Variants in INTS6 observed in about 807,000 individuals in gnomAD.
The protein encoded by INTS6 is DEAD box protein.
In INTS6, 16 loss-of-function variants were observed where a neutral mutation model predicts 104.9. The ratio of observed to expected loss-of-function variants is 0.15; its 90% CI spans 0.10 to 0.23. INTS6 has a LOEUF of 0.23. INTS6 is among the 10% of genes least tolerant of loss of function. The pLI, the probability that INTS6 is intolerant of heterozygous loss-of-function variation, is 1.00. For missense variants in INTS6, 584 were observed against 1,062.8 expected, an observed-to-expected ratio of 0.55 and a Z score of 6.26; for synonymous variants, 324 against 358.7, an observed-to-expected ratio of 0.90 and a Z score of 1.09.
the INTS6 span, among the ~76,000 whole-genome samples, chr13:51,339,066 G>A: frequency 0.023 from 3,509 of 152,224 alleles, 59 homozygotes; most frequent in South Asian, 0.056. Flanking sequence ...TGACAACATG[G>A]TCTCTTTCTC....
At chr13:51,451,336 G>A in intron 2 of INTS6, 162 bp from the exon 3 acceptor site, 1 of 453,492 alleles carries the variant, frequency 2.2e-6, no homozygotes, top group Non-Finnish European at 3.7e-6. Context: ...TCTTCCAAAG[G>A]TGGCCCAGGA....
intron 17 of INTS6, among the ~76,000 whole-genome samples, chr13:51,367,505 G>C (rs986967681): frequency 1.3e-5 from 2 of 151,854 alleles, no homozygotes; most frequent in Non-Finnish European, 2.9e-5. Flanking sequence ...AAAAATTAAA[G>C]GTTATAAAAT....
At chr13:51,411,214 A>AAAAT (rs71085083) in intron 4 of INTS6, among the ~76,000 whole-genome samples, 31,631 of 142,562 alleles carry the variant, frequency 0.22, 4,176 homozygotes, top group Middle Eastern at 0.33. Flanking sequence ...CTTTGTCTCA[A>AAAAT]AAATAAATAA....
intron 3 of INTS6, among the ~76,000 whole-genome samples, chr13:51,433,736 ACTTTTTC>A: frequency 6.6e-6 from 1 of 152,388 alleles, no homozygotes; most frequent in East Asian, 1.9e-4. Flanking sequence ...AACCAAAGTT[ACTTTTTC>A]TTAGACAACA....
intron 15 of INTS6, among the ~76,000 whole-genome samples, chr13:51,372,481 G>A (rs1050647991): frequency 6.6e-6 from 1 of 151,880 alleles, no homozygotes. Context: ...TGTTCTGAGC[G>A]TTTTTTCTTC....
rs147076739 is a variant in INTS6 at position 51,414,168 on chromosome 13, C to T, written c.429+16126G>A. On this transcript the variant is annotated intron_variant, in intron 4 of 17. Transcript: ENST00000311234. ...GTATGATGTGCTGTGAAACCAGCAT[C>T]AACCATTCAGATAAAAGCAAAGATA... 7.6e-3 allele frequency among the ~76,000 whole-genome samples: 1,153 copies of T among 152,296 alleles called. 4 individuals carry two copies. The highest frequency in any genetic ancestry group is 0.011 in the Non-Finnish European group (777 of 68,016).
At chr13:51,423,127 G>A (rs1010327676) in intron 4 of INTS6, 13 of 1,077,914 alleles carry the variant, frequency 1.2e-5, no homozygotes, top group Non-Finnish European at 1.5e-5. Context: ...TAAACGTATG[G>A]AGCTGCCGCT....
At chr13:51,374,911 T>C in intron 13 of INTS6, 115 bp from the exon 14 acceptor site, 1 of 1,042,020 alleles carries the variant, frequency 9.6e-7, no homozygotes, top group Non-Finnish European at 1.4e-6. Context: ...TTTACCAACA[T>C]ATTCTAAATT....
the INTS6 span, chr13:51,344,461 G>A: frequency 1.6e-5 from 26 of 1,596,062 alleles, no homozygotes; most frequent in African/African-American, 1.3e-4. Context: ...CCAGACTAGC[G>A]AAGGGGCCTC....
intron 4 of INTS6, among the ~76,000 whole-genome samples, chr13:51,396,988 T>A (rs900541970): frequency 6.6e-6 from 1 of 152,216 alleles, no homozygotes; most frequent in African/African-American, 2.4e-5. Context: ...CACTTACAAA[T>A]TTTTTAAAAA....
At chr13:51,371,593 T>C (rs1476540521) in intron 15 of INTS6, among the ~76,000 whole-genome samples, 1 of 152,116 alleles carries the variant, frequency 6.6e-6, no homozygotes, top group Non-Finnish European at 1.5e-5. Context: ...TTTGGAATCA[T>C]GAGCGCTGCT....
the INTS6 span, chr13:51,348,464 C>G: frequency 6.6e-7 from 1 of 1,504,232 alleles, no homozygotes; most frequent in Non-Finnish European, 9.1e-7. Context: ...GTCAGAAGAG[C>G]GTGGATTTGC....
At position 51,374,335 on chromosome 13, in the gene INTS6, A is replaced by G; in HGVS notation, c.1977T>C (p.Cys659=). 1 of 1,614,122 alleles carries G rather than the reference A, an allele frequency of 6.2e-7. No homozygotes were observed. The highest frequency in any genetic ancestry group is 8.5e-7 in the Non-Finnish European group (1 of 1,179,968). Residue 659 remains cysteine, a synonymous_variant, in exon 15 of 18, where the codon TGT becomes TGC. Transcript: ENST00000311234. ...GTCTGCCTCTTAGTAGTGGAGACAT[A>G]CACCGACGTCTTTTAGGGATCCCTT... ...NMQGIPKRRR[C]MSPLLRGRQQ...
intron 3 of INTS6, chr13:51,439,782 G>A (rs1016664974): frequency 6.6e-6 from 1 of 152,160 alleles, no homozygotes; most frequent in East Asian, 1.9e-4. Context: ...TTCTCATGAT[G>A]GATGTACAGT....
At chr13:51,431,097 T>C (rs1957082622) in intron 3 of INTS6, among the ~76,000 whole-genome samples, 1 of 152,200 alleles carries the variant, frequency 6.6e-6, no homozygotes, top group Non-Finnish European at 1.5e-5. Flanking sequence ...TTCAAATCTC[T>C]GGCCAACCCA....
rs1278327166 is a variant in INTS6 at position 51,365,722 on chromosome 13, G to A, written c.*30C>T. 1 of 1,219,830 alleles carries A rather than the reference G, an allele frequency of 8.2e-7. No homozygotes were observed. The highest frequency in any genetic ancestry group is 1.4e-5 in the South Asian group (1 of 73,558). 75.6% of individuals were successfully genotyped at this position (1,219,830 alleles called of 1,614,324 possible). The stretch of plus-strand genomic sequence containing the variant: ...ATTTACTTTGTATTTGAAGAAGATA[G>A]TGAAATAAGTGGCCACATTCTATTT... On this transcript the variant is annotated 3_prime_UTR_variant, in exon 18 of 18. Coordinates refer to ENST00000311234, the MANE Select transcript of INTS6 (RefSeq NM_012141.3).
At chr13:51,360,241 C>T (rs1267652284), downstream of INTS6, among the ~76,000 whole-genome samples, 1 of 151,998 alleles carries the variant, frequency 6.6e-6, no homozygotes, top group Non-Finnish European at 1.5e-5. Context: ...ATCATTTTAA[C>T]ATTCATGCCA....
At chr13:51,426,347 C>A (rs1956985678) in intron 4 of INTS6, among the ~76,000 whole-genome samples, 1 of 152,020 alleles carries the variant, frequency 6.6e-6, no homozygotes, top group Admixed American at 6.6e-5. Context: ...ATTTTTCCTG[C>A]CGCTAGGAAA....
Position 51,430,278 on chromosome 13 carries a change from T to C in INTS6, c.429+16A>G. ...AACTGCATTTGCATAATCCATGTAA[T>C]ATAAGCACAACTTACCTCATCCTGG... On this transcript the variant is annotated intron_variant, in intron 4 of 17. Transcript: ENST00000311234. 2 of 1,605,420 alleles carry C rather than the reference T, an allele frequency of 1.2e-6. No individual in the cohort carries two copies. The highest frequency in any genetic ancestry group is 1.7e-6 in the Non-Finnish European group (2 of 1,172,932).
Sources: gnomAD v4.1 joint callset for allele counts (sites outside exome capture counted in the v4.1 genomes callset) on GRCh38, gnomAD v4.1.1 for gene constraint, MANE v1.5 for transcripts, NCBI Gene and HGNC (gene_info 2026-07-23, HGNC 2026-07-21) for gene names.